Variants in PEPD observed in about 807,000 individuals in gnomAD.
PEPD encodes peptidase D.
A neutral mutation model predicts 60.7 loss-of-function variants in PEPD; 53 were observed. The observed-to-expected ratio is 0.87, with a 90% CI of 0.70 to 1.10. PEPD has a LOEUF of 1.10. Among genes scored for constraint, PEPD ranks in the 50% least tolerant of loss-of-function variants. The pLI is 0.00. For synonymous variants in PEPD, 267 were observed against 284.1 expected (o/e 0.94, Z 0.60); for missense variants, 711 against 711.9 (o/e 1.00, Z 0.01).
At position 33,478,080 on chromosome 19, in the gene PEPD, T is replaced by C; in HGVS notation, c.514A>G (p.Asn172Asp). 2.5e-6 allele frequency: 4 copies of C among 1,610,478 alleles called. No individual in the cohort carries two copies. The highest frequency in any genetic ancestry group is 3.4e-6 in the Non-Finnish European group (4 of 1,177,570). Residue 172 changes from asparagine to aspartate, a missense_variant, in exon 7 of 15, where the codon AAC (asparagine) becomes GAC (aspartate). Asn to Asp is a conservative substitution (Grantham distance 23). Transcript: ENST00000244137. ...SFDGISKFEV[N>D]NTILHPEIVE... ...ATCTCTGGGTGAAGAATGGTATTGT[T>C]GACTTCGAACCTGTAGGGCGAAAAG...
intron 6 of PEPD, among the ~76,000 whole-genome samples, chr19:33,488,455 C>T (rs1018477549): frequency 2.9e-4 from 44 of 152,090 alleles, no homozygotes; most frequent in Non-Finnish European, 7.4e-5. Flanking sequence ...AGACCCAGCA[C>T]CAGGTAGTGC....
At chr19:33,467,885 ATAAG>A (rs1203544050) in intron 7 of PEPD, among the ~76,000 whole-genome samples, 2 of 152,178 alleles carry the variant, frequency 1.3e-5, no homozygotes, top group Non-Finnish European at 2.9e-5. Context: ...CACATCACTA[ATAAG>A]TAAGTGTTAG....
intron 9 of PEPD, among the ~76,000 whole-genome samples, chr19:33,442,475 T>C (rs527583211): frequency 3.6e-5 from 5 of 139,172 alleles, no homozygotes; most frequent in African/African-American, 1.4e-4. Context: ...CTGAGGCGGG[T>C]AGATCATGAG....
chr19:33,520,046 A>G (rs1000071313), intron 1 of PEPD, among the ~76,000 whole-genome samples: 1 of 151,766 alleles, frequency 6.6e-6, no homozygotes, highest in Non-Finnish European at 1.5e-5. Context: ...ACTGGGCAAC[A>G]AGAGCAAAAC....
At position 33,493,463 on chromosome 19, in the gene PEPD, G is replaced by A. The variant is rs1399684095; in HGVS notation, c.394-126C>T. On this transcript the variant is annotated intron_variant, in intron 4 of 14. Transcript: ENST00000244137. ...CAGATCATTAGAACAGGCGACGTGG[G>A]CGCTGCCCTCACCCTGCAGGTGAAG... The A allele has an allele frequency of 4.0e-6, 3 of 754,566 alleles. No homozygotes were observed. The Admixed American group carries it at 6.0e-5, about 15-fold the overall frequency. The allele number at this position is 754,566 out of a possible 1,614,324, so 46.7% of individuals were successfully genotyped here. A position where few individuals can be genotyped will look rare whatever the true frequency, so the allele number is the denominator to read the frequency against.
intron 9 of PEPD, among the ~76,000 whole-genome samples, chr19:33,421,148 C>T (rs918391281): frequency 6.6e-6 from 1 of 152,190 alleles, no homozygotes; most frequent in Non-Finnish European, 1.5e-5. Flanking sequence ...ATGGGTAGTA[C>T]AGCCATGAGT....
At chr19:33,511,430 G>A (rs908733537) in intron 2 of PEPD, 16 of 439,672 alleles carry the variant, frequency 3.6e-5, no homozygotes, top group African/African-American at 1.4e-4. Context: ...CCCCACCCCC[G>A]GGCCCACAAC....
chr19:33,504,774 A>G (rs1970768811), intron 3 of PEPD, among the ~76,000 whole-genome samples: 1 of 151,988 alleles, frequency 6.6e-6, no homozygotes, highest in Non-Finnish European at 1.5e-5. Flanking sequence ...AAAAAAAAGA[A>G]AAAGAAATTA....
chr19:33,507,359 A>G (rs1413127896), intron 3 of PEPD, among the ~76,000 whole-genome samples: 1 of 152,090 alleles, frequency 6.6e-6, no homozygotes, highest in African/African-American at 2.4e-5. Context: ...AAGACACCAC[A>G]CACTATTGTT....
chr19:33,488,224 G>A (rs1007210172), intron 6 of PEPD, among the ~76,000 whole-genome samples: 3 of 152,122 alleles, frequency 2.0e-5, no homozygotes, highest in Non-Finnish European at 2.9e-5. Flanking sequence ...AGGCACAGAG[G>A]AGCAATGGGA....
At chr19:33,387,584 C>T (rs1968105824) in intron 14 of PEPD, 103 bp from the exon 15 acceptor site, 2 of 1,448,358 alleles carry the variant, frequency 1.4e-6, no homozygotes, top group Non-Finnish European at 1.9e-6. Flanking sequence ...ATGGGAGCAG[C>T]TGACACTCCC....
At chr19:33,404,436 G>A (rs972908884) in intron 11 of PEPD, among the ~76,000 whole-genome samples, 1 of 148,712 alleles carries the variant, frequency 6.7e-6, no homozygotes, top group Non-Finnish European at 1.5e-5. Flanking sequence ...AGAAAAAGCA[G>A]AAACTGAACT....
intron 9 of PEPD, among the ~76,000 whole-genome samples, chr19:33,435,743 G>A (rs1969363459): frequency 6.6e-6 from 1 of 152,246 alleles, no homozygotes; most frequent in South Asian, 2.1e-4. Flanking sequence ...ACAGGACTGG[G>A]TGTCAGAACC....
chr19:33,488,900 GC>G (rs1201718728), intron 6 of PEPD, among the ~76,000 whole-genome samples: 10 of 152,128 alleles, frequency 6.6e-5, no homozygotes, highest in African/African-American at 2.4e-4. Context: ...TAGGGGAGGG[GC>G]TGGGGATCCA....
At chr19:33,425,225 C>G (rs1456932506) in intron 9 of PEPD, among the ~76,000 whole-genome samples, 1 of 152,052 alleles carries the variant, frequency 6.6e-6, no homozygotes, top group East Asian at 1.9e-4. Context: ...TAAAAATTAG[C>G]CAGTCGTGGT....
At chr19:33,392,689 G>A (rs1009451056) in intron 12 of PEPD, among the ~76,000 whole-genome samples, 15 of 152,354 alleles carry the variant, frequency 9.8e-5, no homozygotes, top group South Asian at 2.1e-4. Flanking sequence ...TTGCCTTGGC[G>A]CAGAGCCAGA....
At chr19:33,467,828 C>A (rs973105142) in intron 7 of PEPD, among the ~76,000 whole-genome samples, 1 of 152,038 alleles carries the variant, frequency 6.6e-6, no homozygotes, top group Non-Finnish European at 1.5e-5. Flanking sequence ...ACTTTAAAAA[C>A]CTTAATGAGG....
intron 9 of PEPD, among the ~76,000 whole-genome samples, chr19:33,434,893 C>T (rs1471424619): frequency 2.7e-5 from 4 of 147,714 alleles, no homozygotes; most frequent in Non-Finnish European, 4.5e-5. Flanking sequence ...TGAGACAGGG[C>T]ACTCAGGTGT....
intron 5 of PEPD, among the ~76,000 whole-genome samples, chr19:33,492,679 T>A (rs1294989349): frequency 1.3e-5 from 2 of 152,172 alleles, no homozygotes; most frequent in Admixed American, 6.5e-5. Context: ...ACTTTCTACA[T>A]CCACAAATTC....
Sources: gnomAD v4.1 joint callset for allele counts (sites outside exome capture counted in the v4.1 genomes callset) on GRCh38, gnomAD v4.1.1 for gene constraint, MANE v1.5 for transcripts, NCBI Gene and HGNC (gene_info 2026-07-23, HGNC 2026-07-21) for gene names.